Variants in SLX4IP observed in about 807,000 individuals in gnomAD.
The protein encoded by SLX4IP is SLX4 interacting protein.
Under a neutral mutation model 32.9 loss-of-function variants are expected in SLX4IP, and 34 were observed. That is an observed-to-expected ratio of 1.03 (90% CI 0.79 to 1.38). The LOEUF (loss-of-function observed/expected upper bound fraction) is 1.38, where lower values mean the gene tolerates loss of function less well. Ranked by LOEUF, SLX4IP falls within the 40% of genes most tolerant of loss-of-function variation. The pLI, the probability that SLX4IP is intolerant of heterozygous loss-of-function variation, is 0.00. For missense variants in SLX4IP, 444 were observed against 479.0 expected, an observed-to-expected ratio of 0.93 and a Z score of 0.68; for synonymous variants, 172 against 171.7, an observed-to-expected ratio of 1.00 and a Z score of -0.01.
At chr20:10,441,044 C>G (rs150121823) in intron 1 of SLX4IP, among the ~76,000 whole-genome samples, 1 of 152,178 alleles carries the variant, frequency 6.6e-6, no homozygotes, top group South Asian at 2.1e-4. Flanking sequence ...TCAGGTCATA[C>G]GAAGAGTCAG....
intron 2 of SLX4IP, among the ~76,000 whole-genome samples, chr20:10,528,416 C>T (rs1188857444): frequency 6.6e-6 from 1 of 152,144 alleles, no homozygotes; most frequent in African/African-American, 2.4e-5. Context: ...AGTCTTTCAT[C>T]CTCCTGCCCA....
At chr20:10,510,609 ATT>A (rs33995753) in intron 2 of SLX4IP, among the ~76,000 whole-genome samples, 16,731 of 142,038 alleles carry the variant, frequency 0.12, 1,240 homozygotes, top group Non-Finnish European at 0.17. Flanking sequence ...TATTTTTATT[ATT>A]TTTTTTTTTT....
At chr20:10,489,519 T>C (rs2065602275) in intron 2 of SLX4IP, among the ~76,000 whole-genome samples, 1 of 152,216 alleles carries the variant, frequency 6.6e-6, no homozygotes, top group Non-Finnish European at 1.5e-5. Flanking sequence ...GAGGAAATCT[T>C]TAAAACAAGA....
At chr20:10,549,332 G>A (rs2066195337) in intron 2 of SLX4IP, among the ~76,000 whole-genome samples, 1 of 151,990 alleles carries the variant, frequency 6.6e-6, no homozygotes, top group Non-Finnish European at 1.5e-5. Flanking sequence ...GCCCTACAGT[G>A]GCATGGGGCC....
chr20:10,518,756 G>A (rs2122445294), intron 2 of SLX4IP, among the ~76,000 whole-genome samples: 1 of 151,898 alleles, frequency 6.6e-6, no homozygotes, highest in South Asian at 2.1e-4. Context: ...TTTTTGTAGA[G>A]ACGGGGTTTG....
chr20:10,611,417 A>AT (rs1224096239), intron 6 of SLX4IP, among the ~76,000 whole-genome samples: 50 of 152,328 alleles, frequency 3.3e-4, no homozygotes, highest in African/African-American at 1.1e-3. Flanking sequence ...GACACAAAGA[A>AT]TATCATTAAG....
chr20:10,455,585 T>TTATG (rs2065278188), intron 1 of SLX4IP, among the ~76,000 whole-genome samples: 1 of 38,350 alleles, frequency 2.6e-5, no homozygotes, highest in Non-Finnish European at 9.8e-5. Flanking sequence ...TGTCTTTTAT[T>TTATG]TATTTATTTA....
chr20:10,591,429 G>C (rs981599646), intron 4 of SLX4IP, among the ~76,000 whole-genome samples: 4 of 152,156 alleles, frequency 2.6e-5, no homozygotes, highest in African/African-American at 9.7e-5. Context: ...TTCCCTGCAA[G>C]ACAGGGAGGC....
chr20:10,511,255 C>T (rs1024027578), intron 2 of SLX4IP, among the ~76,000 whole-genome samples: 9 of 152,174 alleles, frequency 5.9e-5, no homozygotes, highest in Non-Finnish European at 1.0e-4. Flanking sequence ...TGATGGTGTG[C>T]GTTCCCAAAG....
intron 4 of SLX4IP, among the ~76,000 whole-genome samples, chr20:10,593,370 A>T (rs1282053374): frequency 1.3e-5 from 2 of 152,166 alleles, no homozygotes; most frequent in Non-Finnish European, 2.9e-5. Flanking sequence ...GGAGAAGTCA[A>T]AATTAATAAA....
At chr20:10,440,695 C>T (rs981198205) in intron 1 of SLX4IP, among the ~76,000 whole-genome samples, 1 of 152,088 alleles carries the variant, frequency 6.6e-6, no homozygotes, top group East Asian at 1.9e-4. Flanking sequence ...ATCTGTTCTC[C>T]ATCATAACAG....
intron 1 of SLX4IP, among the ~76,000 whole-genome samples, chr20:10,438,969 C>T (rs920822202): frequency 3.3e-5 from 5 of 151,392 alleles, no homozygotes; most frequent in African/African-American, 1.2e-4. Flanking sequence ...CCTCCCAAAG[C>T]ACTGGTATTA....
chr20:10,561,703 G>A (rs2066334533), intron 4 of SLX4IP, among the ~76,000 whole-genome samples: 1 of 151,974 alleles, frequency 6.6e-6, no homozygotes. Flanking sequence ...AGTCTATTGT[G>A]CCATTCTTAA....
chr20:10,506,443 G>T (rs1412339175), intron 2 of SLX4IP, among the ~76,000 whole-genome samples: 1 of 152,204 alleles, frequency 6.6e-6, no homozygotes, highest in East Asian at 1.9e-4. Context: ...CACCTCAAAT[G>T]TGTCAAATCC....
chr20:10,548,020 G>T (rs1288991594), intron 2 of SLX4IP, among the ~76,000 whole-genome samples: 2 of 152,136 alleles, frequency 1.3e-5, no homozygotes, highest in Non-Finnish European at 2.9e-5. Context: ...CCAAGTAAAT[G>T]GTTGCAAACC....
intron 2 of SLX4IP, among the ~76,000 whole-genome samples, chr20:10,505,085 T>C (rs2065747993): frequency 6.6e-6 from 1 of 152,134 alleles, no homozygotes; most frequent in Non-Finnish European, 1.5e-5. Context: ...TCACATTAAG[T>C]GATTTATTTT....
At chr20:10,523,151 A>G (rs541244556) in intron 2 of SLX4IP, among the ~76,000 whole-genome samples, 4 of 152,278 alleles carry the variant, frequency 2.6e-5, no homozygotes, top group Non-Finnish European at 4.4e-5. Context: ...GGGTAAGTTT[A>G]TAGAGCAGGT....
chr20:10,528,651 G>T (rs984492602), intron 2 of SLX4IP, among the ~76,000 whole-genome samples: 1 of 152,108 alleles, frequency 6.6e-6, no homozygotes, highest in African/African-American at 2.4e-5. Context: ...CCCCAGACCT[G>T]TCTCCTTATG....
chr20:10,625,634 G>T lies in SLX4IP; in HGVS notation c.*2255G>T, dbSNP rs941787507. 4.6e-5 allele frequency: 7 copies of T among 152,196 alleles called. No homozygotes were observed. Among genetic ancestry groups the T allele is most frequent in the African/African-American group, 1.7e-4 (7 of 41,430 alleles). 9.4% of individuals were successfully genotyped at this position (152,196 alleles called of 1,614,324 possible). On this transcript the variant is annotated 3_prime_UTR_variant, in exon 8 of 8. Transcript: ENST00000334534. ...TCTGTCAGGAAAAGTCTTGGCTTTA[G>T]AGTTTGTTATAGTTGGGGATATAAC...
Sources: allele counts gnomAD v4.1 joint callset (sites outside exome capture counted in the v4.1 genomes callset), GRCh38; gene constraint gnomAD v4.1.1; transcripts MANE v1.5; gene names NCBI Gene and HGNC (gene_info 2026-07-23, HGNC 2026-07-21).